Variants in AK5 observed in about 807,000 individuals in gnomAD.
AK5 encodes adenylate kinase isoenzyme 5.
In AK5, 27 loss-of-function variants were observed where a neutral mutation model predicts 69.5. That is an observed-to-expected ratio of 0.39 (90% confidence interval 0.29 to 0.54). The LOEUF is 0.54. AK5 is among the 20% of genes least tolerant of loss of function. The probability of loss-of-function intolerance (pLI) is 0.71; values close to 1 mark genes in which losing one functional copy is unlikely to be tolerated. For missense variants in AK5, 531 were observed against 700.4 expected (o/e 0.76, Z 2.73); for synonymous variants, 260 against 244.4 (o/e 1.06, Z -0.60).
chr1:77,403,650 G>A (rs1486431007), intron 6 of AK5, among the ~76,000 whole-genome samples: 4 of 152,170 alleles, frequency 2.6e-5, no homozygotes, highest in East Asian at 1.9e-4. Flanking sequence ...TGTTCCACTG[G>A]TCTATATCTC....
chr1:77,458,467 G>A (rs1369830612), intron 8 of AK5, among the ~76,000 whole-genome samples: 1 of 152,144 alleles, frequency 6.6e-6, no homozygotes, highest in Non-Finnish European at 1.5e-5. Context: ...TCATGCTGCT[G>A]ATAAAGACAT....
intron 6 of AK5, among the ~76,000 whole-genome samples, chr1:77,382,447 C>T (rs1044530618): frequency 5.1e-4 from 77 of 152,234 alleles, no homozygotes; most frequent in African/African-American, 1.9e-3. Context: ...AACTTCCAGG[C>T]TCAAATAATC....
intron 7 of AK5, among the ~76,000 whole-genome samples, chr1:77,416,066 T>A: frequency 6.6e-6 from 1 of 152,172 alleles, no homozygotes; most frequent in East Asian, 1.9e-4. Flanking sequence ...TTATTTCTGA[T>A]ACTTACTGCC....
chr1:77,291,748 G>T (rs1658701539), intron 2 of AK5, among the ~76,000 whole-genome samples: 1 of 152,172 alleles, frequency 6.6e-6, no homozygotes, highest in Non-Finnish European at 1.5e-5. Context: ...CGTAGGTAAG[G>T]CCCCTGCTCT....
intron 6 of AK5, among the ~76,000 whole-genome samples, chr1:77,360,222 G>C (rs17100436): frequency 0.042 from 6,425 of 152,294 alleles, 199 homozygotes; most frequent in South Asian, 0.09. Flanking sequence ...TCTTAGGACT[G>C]ATAGAGGAAG....
intron 8 of AK5, among the ~76,000 whole-genome samples, chr1:77,475,902 G>T (rs916317089): frequency 2.6e-5 from 4 of 152,048 alleles, no homozygotes; most frequent in African/African-American, 9.7e-5. Flanking sequence ...TAATCTTCTA[G>T]CAGAGAGTTG....
In AK5 at chr1:77,425,557, G is replaced by A. The variant is rs538016741; in HGVS notation, c.1059+7842G>A. 4.5e-3 allele frequency among the ~76,000 whole-genome samples: 679 copies of A among 152,058 alleles called. 5 individuals carry two copies. The highest frequency in any genetic ancestry group is 7.0e-3 in the Non-Finnish European group (476 of 67,978). On this transcript the variant is annotated intron_variant, in intron 8 of 13. Transcript: ENST00000354567. Reference sequence around the variant, plus strand: ...AGCCAAGATCATGCCACTGCACTCCGGCCTGGGTGATAGAGCAAGACTCTG... The same window carrying A: ...AGCCAAGATCATGCCACTGCACTCCAGCCTGGGTGATAGAGCAAGACTCTG...
chr1:77,472,552 A>G (rs1467705644), intron 8 of AK5, among the ~76,000 whole-genome samples: 5 of 152,032 alleles, frequency 3.3e-5, no homozygotes, highest in Non-Finnish European at 7.4e-5. Flanking sequence ...TTCTGCATCC[A>G]AAAAGAGAGG....
chr1:77,519,610 C>T (rs926998063), intron 11 of AK5, among the ~76,000 whole-genome samples: 2 of 152,206 alleles, frequency 1.3e-5, no homozygotes, highest in Non-Finnish European at 2.9e-5. Flanking sequence ...GACAAAGCAG[C>T]CCCAAGGGCT....
intron 1 of AK5, among the ~76,000 whole-genome samples, chr1:77,286,451 A>T (rs962615719): frequency 6.6e-6 from 1 of 151,124 alleles, no homozygotes; most frequent in African/African-American, 2.4e-5. Context: ...TATCTTAATG[A>T]CTCCATCAGA....
intron 6 of AK5, among the ~76,000 whole-genome samples, chr1:77,395,121 C>A (rs1648746452): frequency 6.8e-6 from 1 of 147,910 alleles, no homozygotes. Context: ...ATAATGGATT[C>A]TTTTTTTTTT....
At chr1:77,286,506 G>T (rs538734414) in intron 1 of AK5, among the ~76,000 whole-genome samples, 6 of 151,582 alleles carry the variant, frequency 4.0e-5, no homozygotes, top group Non-Finnish European at 7.4e-5. Flanking sequence ...AAATGCAAAG[G>T]ACAAAAACAA....
intron 6 of AK5, among the ~76,000 whole-genome samples, chr1:77,385,984 C>T (rs1253162760): frequency 6.6e-6 from 1 of 152,156 alleles, no homozygotes; most frequent in African/African-American, 2.4e-5. Context: ...AGAGAGTAGA[C>T]TGCTATTTTT....
chr1:77,488,112 A>G (rs889663968), intron 10 of AK5, among the ~76,000 whole-genome samples: 4 of 152,058 alleles, frequency 2.6e-5, no homozygotes, highest in Non-Finnish European at 5.9e-5. Context: ...AGGTGAGAGG[A>G]GGCAAAGAGA....
intron 10 of AK5, among the ~76,000 whole-genome samples, chr1:77,501,410 A>C (rs902925514): frequency 6.6e-6 from 1 of 152,240 alleles, no homozygotes; most frequent in African/African-American, 2.4e-5. Context: ...TTTCCTTGTT[A>C]TGAGAGCATC....
At chr1:77,317,869 C>T (rs775412987) in intron 5 of AK5, among the ~76,000 whole-genome samples, 5 of 152,286 alleles carry the variant, frequency 3.3e-5, no homozygotes, top group Admixed American at 6.5e-5. Context: ...TTCTGGTGAG[C>T]GGAACCCAAG....
intron 6 of AK5, among the ~76,000 whole-genome samples, chr1:77,367,024 G>A (rs765700385): frequency 6.6e-6 from 1 of 152,106 alleles, no homozygotes; most frequent in Non-Finnish European, 1.5e-5. Context: ...GCTATTTTCT[G>A]TTGGTCTTTG....
At chr1:77,347,364 C>G (rs1342953096) in intron 6 of AK5, among the ~76,000 whole-genome samples, 1 of 152,152 alleles carries the variant, frequency 6.6e-6, no homozygotes, top group Non-Finnish European at 1.5e-5. Context: ...GAATCACATC[C>G]TCTGGGCAAC....
At chr1:77,397,745 A>T (rs921869246) in intron 6 of AK5, among the ~76,000 whole-genome samples, 4 of 152,094 alleles carry the variant, frequency 2.6e-5, no homozygotes, top group Non-Finnish European at 5.9e-5. Context: ...AAATTTAAAC[A>T]TAAAAAATTA....
Sources: gnomAD v4.1 joint callset for allele counts (sites outside exome capture counted in the v4.1 genomes callset) on GRCh38, gnomAD v4.1.1 for gene constraint, MANE v1.5 for transcripts, NCBI Gene and HGNC (gene_info 2026-07-23, HGNC 2026-07-21) for gene names.